The following MAPRE2 variants were observed in gnomAD, a reference collection of about 807,000 sequenced individuals.
MAPRE2 encodes the protein microtubule-associated protein RP/EB family member 2.
In MAPRE2, 13 loss-of-function variants were observed where a neutral mutation model predicts 43.2. The observed-to-expected ratio is 0.30, with a 90% CI of 0.20 to 0.48. The LOEUF (loss-of-function observed/expected upper bound fraction) is 0.48. Among genes scored for constraint, MAPRE2 ranks in the 20% least tolerant of loss-of-function variants. MAPRE2 has a pLI of 0.99. For missense variants in MAPRE2, 161 were observed against 400.2 expected, an observed-to-expected ratio of 0.40 and a Z score of 5.10; for synonymous variants, 135 against 148.8, an observed-to-expected ratio of 0.91 and a Z score of 0.68.
chr18:34,991,616 G>A (rs1223736523), intron 1 of MAPRE2, among the ~76,000 whole-genome samples: 1 of 152,138 alleles, frequency 6.6e-6, no homozygotes, highest in African/African-American at 2.4e-5. Flanking sequence ...AGCTCCAGGA[G>A]CATTGTGAAT....
intron 2 of MAPRE2, among the ~76,000 whole-genome samples, chr18:35,082,883 C>T (rs1405199214): frequency 2.0e-5 from 3 of 151,870 alleles, no homozygotes; most frequent in Non-Finnish European, 2.9e-5. Context: ...GTATCTAGGC[C>T]ATACAGTTTA....
intron 1 of MAPRE2, among the ~76,000 whole-genome samples, chr18:35,066,499 C>T (rs1381597896): frequency 6.6e-6 from 1 of 152,162 alleles, no homozygotes; most frequent in African/African-American, 2.4e-5. Flanking sequence ...CACCTAGGGA[C>T]TAGGACAATT....
intron 2 of MAPRE2, among the ~76,000 whole-genome samples, chr18:35,074,901 T>G (rs923176168): frequency 2.0e-5 from 3 of 152,348 alleles, no homozygotes; most frequent in Admixed American, 2.0e-4. Flanking sequence ...GTTATTTTCC[T>G]GAGCATTTTA....
chr18:35,062,366 T>C (rs2150615603), intron 1 of MAPRE2, among the ~76,000 whole-genome samples: 2 of 152,370 alleles, frequency 1.3e-5, no homozygotes, highest in South Asian at 4.1e-4. Flanking sequence ...TTGATAAATC[T>C]CTTTTTAAAT....
At chr18:35,024,388 T>A (rs2097043840) in intron 2 of MAPRE2, among the ~76,000 whole-genome samples, 3 of 152,242 alleles carry the variant, frequency 2.0e-5, no homozygotes, top group African/African-American at 7.2e-5. Context: ...GACAGCATCC[T>A]TGACTCATGA....
intron 1 of MAPRE2, among the ~76,000 whole-genome samples, chr18:34,985,631 A>G (rs1431830741): frequency 9.9e-6 from 1 of 101,428 alleles, no homozygotes; most frequent in Non-Finnish European, 1.9e-5. Context: ...TATAACATAT[A>G]TATTATAATA....
At chr18:35,099,983 G>A (rs181463448) in intron 3 of MAPRE2, among the ~76,000 whole-genome samples, 3 of 152,272 alleles carry the variant, frequency 2.0e-5, no homozygotes. Context: ...GGATATCAAT[G>A]ATGTGTAGCT....
At chr18:35,001,049 G>A (rs911759494) in intron 1 of MAPRE2, among the ~76,000 whole-genome samples, 6 of 152,156 alleles carry the variant, frequency 3.9e-5, no homozygotes, top group Admixed American at 3.9e-4. Flanking sequence ...TTGTGATTGT[G>A]CCTGTGAATA....
intron 2 of MAPRE2, among the ~76,000 whole-genome samples, chr18:35,086,142 G>C (rs1907866616): frequency 2.0e-5 from 3 of 152,262 alleles, no homozygotes; most frequent in South Asian, 2.1e-4. Flanking sequence ...GAGGAAATCA[G>C]ATGGGCAATT....
intron 1 of MAPRE2, among the ~76,000 whole-genome samples, chr18:34,994,787 C>G (rs186110691): frequency 6.6e-6 from 1 of 152,146 alleles, no homozygotes; most frequent in Admixed American, 6.5e-5. Flanking sequence ...CTTTAAGGAG[C>G]TGTACTTTAC....
At chr18:34,991,410 C>T (rs1008487589) in intron 1 of MAPRE2, among the ~76,000 whole-genome samples, 1 of 152,172 alleles carries the variant, frequency 6.6e-6, no homozygotes, top group African/African-American at 2.4e-5. Flanking sequence ...AAACAAGAAA[C>T]GTCTGTCCTA....
At chr18:35,114,435 T>G (rs1909318135) in intron 4 of MAPRE2, among the ~76,000 whole-genome samples, 1 of 152,228 alleles carries the variant, frequency 6.6e-6, no homozygotes, top group Admixed American at 6.5e-5. Context: ...GTTACTATAC[T>G]GTAGAGTTAC....
intron 2 of MAPRE2, among the ~76,000 whole-genome samples, chr18:35,088,170 A>G (rs1182544146): frequency 6.6e-6 from 1 of 152,224 alleles, no homozygotes; most frequent in Non-Finnish European, 1.5e-5. Context: ...CAATGCCAAC[A>G]TAAGAGTTAA....
intron 6 of MAPRE2, among the ~76,000 whole-genome samples, chr18:35,134,136 A>G (rs1910285545): frequency 6.6e-6 from 1 of 152,210 alleles, no homozygotes; most frequent in African/African-American, 2.4e-5. Flanking sequence ...AGCTCCTATA[A>G]TTCTCTAGAG....
At position 35,140,400 on chromosome 18, in the gene MAPRE2, G is replaced by A. The variant is rs754028774; in HGVS notation, c.*31G>A. On this transcript the variant is annotated 3_prime_UTR_variant, in exon 7 of 7. Transcript: ENST00000300249. Reference sequence around the variant, plus strand: ...CCCGGCTGCTCTTGACACTTCCATTGTGTGTGGGAACGTTTCTTCTGGAGA... The same window carrying A: ...CCCGGCTGCTCTTGACACTTCCATTATGTGTGGGAACGTTTCTTCTGGAGA... 1.9e-6 allele frequency: 3 copies of A among 1,581,476 alleles called. No individual in the cohort carries two copies. Among genetic ancestry groups the A allele is most frequent in the Admixed American group, 3.6e-5 (2 of 55,810 alleles).
At chr18:35,079,743 C>T (rs1382552409) in intron 2 of MAPRE2, among the ~76,000 whole-genome samples, 3 of 152,134 alleles carry the variant, frequency 2.0e-5, no homozygotes, top group African/African-American at 7.2e-5. Flanking sequence ...TTTCTGTATC[C>T]AGTATAGTGA....
In MAPRE2 at chr18:34,985,341, A is replaced by C. The variant is rs1217706709; in HGVS notation, c.-70+8262A>C. On this transcript the variant is annotated intron_variant, in intron 1 of 7. Coordinates refer to the MAPRE2 transcript ENST00000413393. ...TTATATATATAATATAATATATAATATATTATATTATATATATAATATAAT... is the reference window on the plus strand; with the variant it reads ...TTATATATATAATATAATATATAATCTATTATATTATATATATAATATAAT... Among the ~76,000 whole-genome samples the C allele has an allele frequency of 5.8e-4, 27 of 46,894 alleles. 1 individual carries two copies. Among genetic ancestry groups the C allele is most frequent in the African/African-American group, 2.5e-3 (27 of 10,822 alleles). The allele number at this position is 46,894 out of a possible 152,430, so 30.8% of individuals were successfully genotyped here.
At chr18:35,006,271 A>G (rs1353419090) in intron 2 of MAPRE2, among the ~76,000 whole-genome samples, 7 of 152,118 alleles carry the variant, frequency 4.6e-5, no homozygotes, top group South Asian at 2.1e-4. Context: ...AACATCCTAT[A>G]TTTCATCAAA....
At chr18:35,077,249 GCA>G (rs869108287) in intron 2 of MAPRE2, among the ~76,000 whole-genome samples, 124 of 88,842 alleles carry the variant, frequency 1.4e-3, no homozygotes, top group Middle Eastern at 5.1e-3. Flanking sequence ...GTGCGCGCGC[GCA>G]CACACACACA....
Sources: gnomAD v4.1 joint callset for allele counts (sites outside exome capture counted in the v4.1 genomes callset) on GRCh38, gnomAD v4.1.1 for gene constraint, MANE v1.5 for transcripts, NCBI Gene and HGNC (gene_info 2026-07-23, HGNC 2026-07-21) for gene names.